CARS2: variants seen among roughly 807,000 people sequenced by gnomAD.
CARS2 encodes the protein probable cysteine--tRNA ligase, mitochondrial.
CARS2 carries 52 observed loss-of-function variants against 68.8 expected under a neutral mutation model. That is an observed-to-expected ratio of 0.76 (90% CI 0.61 to 0.95). The LOEUF (loss-of-function observed/expected upper bound fraction) is 0.95. Ranked by LOEUF, CARS2 falls within the 40% of genes least tolerant of loss-of-function variation. The pLI, the probability that CARS2 is intolerant of heterozygous loss-of-function variation, is 0.00. For missense variants in CARS2, 780 were observed against 754.2 expected, an observed-to-expected ratio of 1.03 and a Z score of -0.40; for synonymous variants, 314 against 303.6, an observed-to-expected ratio of 1.03 and a Z score of -0.36.
chr13:110,679,484 C>T (rs534159189), intron 6 of CARS2, among the ~76,000 whole-genome samples: 10 of 150,138 alleles, frequency 6.7e-5, no homozygotes, highest in Non-Finnish European at 1.2e-4. Context: ...GAGCCGAGAT[C>T]GCGCCATTGC....
At chr13:110,651,783 G>C (rs1352984284) in intron 9 of CARS2, among the ~76,000 whole-genome samples, 1 of 152,200 alleles carries the variant, frequency 6.6e-6, no homozygotes, top group African/African-American at 2.4e-5. Flanking sequence ...CTTAGAAGAG[G>C]TCATTAGAGG....
Position 110,689,479 on chromosome 13 carries a change from CA to C in CARS2, c.394-1462del, listed in dbSNP as rs1231738381. ...GCATAGTCAACCCAGAAAGCCCCAC[CA>C]AAGAATACCCACTGAAGAAAGCAAG... On this transcript the variant is annotated intron_variant, in intron 3 of 14. Transcript: ENST00000257347. Among the ~76,000 whole-genome samples the C allele has an allele frequency of 1.3e-5, 2 of 152,336 alleles. 1 individual carries two copies. The highest frequency in any genetic ancestry group is 4.1e-4 in the South Asian group (2 of 4,824).
intron 5 of CARS2, among the ~76,000 whole-genome samples, chr13:110,685,789 T>G (rs1034328132): frequency 2.0e-5 from 3 of 151,614 alleles, no homozygotes; most frequent in African/African-American, 4.8e-5. Flanking sequence ...GGGATTTAGT[T>G]CGGATTTATG....
At chr13:110,664,153 G>C (rs889462214) in intron 8 of CARS2, 24 of 985,122 alleles carry the variant, frequency 2.4e-5, no homozygotes, top group Non-Finnish European at 2.9e-5. Flanking sequence ...TTATCTCCAA[G>C]AGAAGGGCTT....
chr13:110,699,311 C>A (rs2063716337), intron 3 of CARS2, among the ~76,000 whole-genome samples: 1 of 152,232 alleles, frequency 6.6e-6, no homozygotes, highest in Non-Finnish European at 1.5e-5. Context: ...CACCACTGGA[C>A]AATCCACAGG....
intron 3 of CARS2, among the ~76,000 whole-genome samples, chr13:110,695,151 A>G (rs1594399759): frequency 6.6e-6 from 1 of 152,006 alleles, no homozygotes; most frequent in African/African-American, 2.4e-5. Context: ...GCATGGTGAC[A>G]CATGCCTGTG....
At position 110,667,379 on chromosome 13, in the gene CARS2, G is replaced by A. The variant is rs201349963; in HGVS notation, c.880C>T (p.His294Tyr). The part of the protein sequence containing the change: ...ENEIAQCEVF[H>Y]QCEQWGNYFL... ...TAATTTCCCCACTGCTCGCACTGAT[G>A]AAAGACTTCGCACTGTGCAATTTCG... is the stretch of plus-strand genomic sequence containing the variant. Residue 294 changes from histidine to tyrosine, a missense_variant, in exon 8 of 15, where the codon CAT becomes TAT. Transcript: ENST00000257347. 1.4e-5 allele frequency: 22 copies of A among 1,613,456 alleles called. No homozygotes were observed. The East Asian group carries it at 4.7e-4, about 34-fold the overall frequency.
chr13:110,692,085 T>TATATAC (rs1284849927), intron 3 of CARS2, among the ~76,000 whole-genome samples: 1 of 146,366 alleles, frequency 6.8e-6, no homozygotes, highest in Non-Finnish European at 1.5e-5. Context: ...TACATATATA[T>TATATAC]ACACACACAT....
chr13:110,701,149 G>GC lies in CARS2; in HGVS notation c.393+288dup, dbSNP rs759746380. Among the ~76,000 whole-genome samples the GC allele has an allele frequency of 3.3e-5, 5 of 151,460 alleles. 1 individual carries two copies. Among genetic ancestry groups the GC allele is most frequent in the Admixed American group, 2.6e-4 (4 of 15,198 alleles). On this transcript the variant is annotated intron_variant, in intron 3 of 14. Coordinates refer to ENST00000257347, the MANE Select transcript of CARS2 (RefSeq NM_024537.4). ...ACAATCTCCGCTCATTGCAACCTTC[G>GC]CCCCCCCAGGGTCAAGCGATTCTCC...
chr13:110,686,898 C>T (rs527917275), intron 5 of CARS2, among the ~76,000 whole-genome samples: 13 of 149,338 alleles, frequency 8.7e-5, no homozygotes, highest in African/African-American at 2.0e-4. Flanking sequence ...GGTGGGTGGA[C>T]GGAGTCTTGC....
At chr13:110,682,967 G>T in intron 6 of CARS2, 84 bp downstream of exon 6, 2 of 849,778 alleles carry the variant, frequency 2.4e-6, no homozygotes, top group Non-Finnish European at 1.8e-6. Flanking sequence ...AAGTGGAGGG[G>T]TCTGCGCTCC....
At chr13:110,664,843 G>T in intron 8 of CARS2, 1 of 370,148 alleles carries the variant, frequency 2.7e-6, no homozygotes, top group Non-Finnish European at 3.7e-6. Flanking sequence ...GCTGACGGCC[G>T]TCTACAAATG....
At position 110,665,992 on chromosome 13, in the gene CARS2, G is replaced by GGACACGACTACCTCTGTGCCTGA. The variant is rs1327523961; in HGVS notation, c.919+1325_919+1347dup. 3.0e-6 allele frequency: 3 copies of GGACACGACTACCTCTGTGCCTGA among 985,040 alleles called. No individual in the cohort carries two copies. The East Asian group carries it at 3.4e-4, about 112-fold the overall frequency. The allele number at this position is 985,040 out of a possible 1,614,324, so 61.0% of individuals were successfully genotyped here. A position where few individuals can be genotyped will look rare whatever the true frequency, so the allele number is the denominator to read the frequency against. The stretch of plus-strand genomic sequence containing the variant: ...TTTATCTTTCTTCATCTGGGACAAG[G>GGACACGACTACCTCTGTGCCTGA]GACACGACTACCTCTGTGCCTGAGA... On this transcript the variant is annotated intron_variant, in intron 8 of 14. Coordinates refer to ENST00000257347, the MANE Select transcript of CARS2 (RefSeq NM_024537.4). The surrounding 1 kb of genome is among the most constrained non-coding windows in gnomAD (Gnocchi z 4.3).
In CARS2 at chr13:110,665,912, C is replaced by T; in HGVS notation, c.919+1428G>A. On this transcript the variant is annotated intron_variant, in intron 8 of 14. Transcript: ENST00000257347. The surrounding 1 kb of genome is among the most constrained non-coding windows in gnomAD (Gnocchi z 4.3). ...TTCAAAAACTAGTATTTGTTAATTTCCTGTATTTCAGATGTCAAAGTTTGC... is the reference window on the plus strand; with the variant it reads ...TTCAAAAACTAGTATTTGTTAATTTTCTGTATTTCAGATGTCAAAGTTTGC... 1.0e-6 allele frequency: 1 copy of T among 985,300 alleles called. No homozygotes were observed. Among genetic ancestry groups the T allele is most frequent in the Non-Finnish European group, 1.2e-6 (1 of 829,892 alleles). 61.0% of individuals were successfully genotyped at this position (985,300 alleles called of 1,614,324 possible).
intron 12 of CARS2, chr13:110,644,810 G>C (rs1887869657): frequency 3.8e-6 from 1 of 266,178 alleles, no homozygotes; most frequent in Non-Finnish European, 7.4e-6. Context: ...ACTGGGCTGG[G>C]TTTCTCAGAA....
chr13:110,707,744 G>A (rs2063992810), upstream of CARS2: 2 of 152,182 alleles, frequency 1.3e-5, no homozygotes, highest in South Asian at 4.2e-4. Context: ...AACAGGAGAC[G>A]TTCCTCTGGT....
chr13:110,695,252 G>A (rs1350874092), intron 3 of CARS2, among the ~76,000 whole-genome samples: 1 of 152,104 alleles, frequency 6.6e-6, no homozygotes, highest in Non-Finnish European at 1.5e-5. Flanking sequence ...CTGCACCCCA[G>A]CCTGGGTAAC....
chr13:110,708,095 C>A (rs1026261879), upstream of CARS2, among the ~76,000 whole-genome samples: 2 of 152,124 alleles, frequency 1.3e-5, no homozygotes, highest in Non-Finnish European at 2.9e-5. Context: ...TTAAATTGTA[C>A]ATTATTTTGA....
At chr13:110,678,416 C>T (rs1205409358) in intron 6 of CARS2, among the ~76,000 whole-genome samples, 2 of 152,170 alleles carry the variant, frequency 1.3e-5, no homozygotes, top group African/African-American at 4.8e-5. Flanking sequence ...TGCACAACGT[C>T]CCAATATCAC....
Sources: allele counts gnomAD v4.1 joint callset (sites outside exome capture counted in the v4.1 genomes callset), GRCh38; gene constraint gnomAD v4.1.1; non-coding constraint Gnocchi (gnomAD v3.1); transcripts MANE v1.5; gene names NCBI Gene and HGNC (gene_info 2026-07-23, HGNC 2026-07-21).